NAA11: variants seen among roughly 807,000 people sequenced by gnomAD.
NAA11 encodes N-alpha-acetyltransferase 11, NatA catalytic subunit.
Under a neutral mutation model 16.1 loss-of-function variants are expected in NAA11, and 15 were observed. That is an observed-to-expected ratio of 0.93 (90% confidence interval 0.62 to 1.44). NAA11 has a LOEUF of 1.44. Ranked by LOEUF, NAA11 falls within the 40% of genes most tolerant of loss-of-function variation. NAA11 has a pLI of 0.00. For missense variants in NAA11, 298 were observed against 291.3 expected, an observed-to-expected ratio of 1.02 and a Z score of -0.17; for synonymous variants, 122 against 112.4, an observed-to-expected ratio of 1.09 and a Z score of -0.54.
intron 1 of NAA11, among the ~76,000 whole-genome samples, chr4:79,306,059 G>A (rs1227614098): frequency 6.6e-6 from 1 of 152,118 alleles, no homozygotes; most frequent in Admixed American, 6.5e-5. Context: ...GAGAAGTTAT[G>A]ATGGAAGAAT....
At chr4:79,206,551 C>G in the NAA11 span, among the ~76,000 whole-genome samples, 1 of 152,078 alleles carries the variant, frequency 6.6e-6, no homozygotes, top group Non-Finnish European at 1.5e-5. Context: ...TATACTAGTC[C>G]AAATAAGCAT....
At chr4:79,197,714 A>G in the NAA11 span, 1 of 152,016 alleles carries the variant, frequency 6.6e-6, no homozygotes, top group African/African-American at 2.4e-5. Flanking sequence ...TTATTATGAC[A>G]GTTCTTGACT....
At chr4:79,194,090 TG>T in the NAA11 span, among the ~76,000 whole-genome samples, 1 of 152,168 alleles carries the variant, frequency 6.6e-6, no homozygotes, top group Non-Finnish European at 1.5e-5. Flanking sequence ...GAGACTTTGC[TG>T]AAGTTGCCTA....
downstream of NAA11, among the ~76,000 whole-genome samples, chr4:79,221,008 A>G (rs1211195369): frequency 6.6e-6 from 1 of 151,770 alleles, no homozygotes; most frequent in African/African-American, 2.4e-5. Flanking sequence ...ACCCATGAGC[A>G]TGGAATGTTC....
chr4:79,211,332 G>A, the NAA11 span, among the ~76,000 whole-genome samples: 1 of 152,054 alleles, frequency 6.6e-6, no homozygotes, highest in Admixed American at 6.5e-5. Context: ...TTCATAATTT[G>A]TCTTCGGTGA....
rs1407132899 is a variant in NAA11, at chr4:79,317,458, G to C, written c.*346C>G. 6.6e-6 allele frequency: 1 copy of C among 152,208 alleles called. No individual in the cohort carries two copies. The highest frequency in any genetic ancestry group is 2.4e-5 in the African/African-American group (1 of 41,418). 9.4% of individuals were successfully genotyped at this position (152,208 alleles called of 1,614,324 possible). On this transcript the variant is annotated 3_prime_UTR_variant, in exon 2 of 2. Coordinates refer to ENST00000286794, the MANE Select transcript of NAA11 (RefSeq NM_032693.3). ...TCTTCAAGAGTTTGCCCTGCTTCCT[G>C]TTCATCATTCTAAAAGGAGAAAAAC...
chr4:79,189,157 A>AAAAAAAAAAAAAAAAC, the NAA11 span, among the ~76,000 whole-genome samples: 5 of 147,840 alleles, frequency 3.4e-5, no homozygotes, highest in Non-Finnish European at 6.0e-5. Flanking sequence ...AAAAAAAAAA[A>AAAAAAAAAAAAAAAAC]AAAAAAACTT....
At chr4:79,210,236 A>C in the NAA11 span, among the ~76,000 whole-genome samples, 1 of 152,066 alleles carries the variant, frequency 6.6e-6, no homozygotes, top group African/African-American at 2.4e-5. Context: ...GGAAAGTTAC[A>C]GTTAGGGGAC....
At chr4:79,225,636 C>A (rs1485480099), downstream of NAA11, 1 of 152,030 alleles carries the variant, frequency 6.6e-6, no homozygotes, top group Non-Finnish European at 1.5e-5. Flanking sequence ...CACATTTAAT[C>A]TTATGTCTGC....
chr4:79,204,945 A>ACACACACACACACACACAT, the NAA11 span, among the ~76,000 whole-genome samples: 3 of 151,738 alleles, frequency 2.0e-5, no homozygotes, highest in African/African-American at 4.8e-5. Flanking sequence ...ACACACACAC[A>ACACACACACACACACACAT]CACACACACA....
rs1003131847 is a variant in NAA11 at position 79,278,334 on chromosome 4, T to G, written c.*122+15671A>C. ...GTTTTCTTTCTTAAACACATCTTAT[T>G]ATTCCATATTGCCAAAAGAAGAAAG... On this transcript the variant is annotated intron_variant and NMD_transcript_variant, in intron 2 of 2. Transcript: ENST00000511542. Among the ~76,000 whole-genome samples, 68 of 152,118 alleles carry G rather than the reference T, an allele frequency of 4.5e-4. 1 individual carries two copies. The highest frequency in any genetic ancestry group is 3.9e-4 in the Admixed American group (6 of 15,266).
Position 79,326,013 on chromosome 4 carries a change from A to G in NAA11, c.-136T>C. On this transcript the variant is annotated 5_prime_UTR_variant, in exon 1 of 2. Transcript: ENST00000286794. Reference sequence around the variant, plus strand: ...CCGGGCTGAATCGTGTGGAGGGCGGATGGCGGGAAGGCGGAAGGAGCAGGA... The same window carrying G: ...CCGGGCTGAATCGTGTGGAGGGCGGGTGGCGGGAAGGCGGAAGGAGCAGGA... The G allele has an allele frequency of 1.4e-6, 1 of 721,772 alleles. No homozygotes were observed. Among genetic ancestry groups the G allele is most frequent in the Non-Finnish European group, 2.3e-6 (1 of 434,350 alleles). 44.7% of individuals were successfully genotyped at this position (721,772 alleles called of 1,614,324 possible).
chr4:79,260,340 C>T (rs2109973624), intron 2 of NAA11, among the ~76,000 whole-genome samples: 1 of 152,292 alleles, frequency 6.6e-6, no homozygotes, highest in Non-Finnish European at 1.5e-5. Context: ...ATGTGAGGAT[C>T]TTGGAAGGTG....
chr4:79,265,112 A>G (rs1042355954), intron 2 of NAA11, among the ~76,000 whole-genome samples: 1 of 152,160 alleles, frequency 6.6e-6, no homozygotes, highest in Non-Finnish European at 1.5e-5. Context: ...CGGATAAAGT[A>G]TCTGGAGTCA....
the NAA11 span, among the ~76,000 whole-genome samples, chr4:79,204,973 GGT>G: frequency 8.0e-6 from 1 of 124,454 alleles, no homozygotes; most frequent in Non-Finnish European, 1.8e-5. Context: ...CCATGGTGTG[GGT>G]GTGTGTATAT....
intron 2 of NAA11, among the ~76,000 whole-genome samples, chr4:79,249,983 A>C (rs990792227): frequency 6.6e-6 from 1 of 152,200 alleles, no homozygotes; most frequent in Non-Finnish European, 1.5e-5. Context: ...TGACTCAGAG[A>C]GAGTGAGGAA....
At chr4:79,168,048 G>A in the NAA11 span, among the ~76,000 whole-genome samples, 1 of 151,670 alleles carries the variant, frequency 6.6e-6, no homozygotes, top group East Asian at 1.9e-4. Flanking sequence ...AGGCCCTGGT[G>A]TGTGATCTTC....
At chr4:79,280,011 T>G (rs1488767443) in intron 2 of NAA11, among the ~76,000 whole-genome samples, 1 of 152,034 alleles carries the variant, frequency 6.6e-6, no homozygotes, top group Non-Finnish European at 1.5e-5. Flanking sequence ...CTTTCCTCTT[T>G]GGGTGCACAA....
chr4:79,297,173 G>A (rs774612257), intron 1 of NAA11, among the ~76,000 whole-genome samples: 1 of 152,218 alleles, frequency 6.6e-6, no homozygotes, highest in Non-Finnish European at 1.5e-5. Flanking sequence ...GGTGTGGGGA[G>A]GAGGCAGAAC....
Sources: allele counts gnomAD v4.1 joint callset (sites outside exome capture counted in the v4.1 genomes callset), GRCh38; gene constraint gnomAD v4.1.1; transcripts MANE v1.5; gene names NCBI Gene and HGNC (gene_info 2026-07-23, HGNC 2026-07-21).